The following OPCML variants were observed in gnomAD, a reference collection of about 807,000 sequenced individuals.
The protein encoded by OPCML is opioid-binding protein/cell adhesion molecule.
OPCML carries 13 observed loss-of-function variants against 37.8 expected under a neutral mutation model. That is an observed-to-expected ratio of 0.34 (90% CI 0.22 to 0.55). The LOEUF is 0.55. Among genes scored for constraint, OPCML ranks in the 20% least tolerant of loss-of-function variants. The probability of loss-of-function intolerance (pLI) is 0.91; values close to 1 mark genes in which losing one functional copy is unlikely to be tolerated. For missense variants in OPCML, 341 were observed against 435.6 expected, an observed-to-expected ratio of 0.78 and a Z score of 1.93; for synonymous variants, 176 against 168.8, an observed-to-expected ratio of 1.04 and a Z score of -0.33.
At chr11:132,837,752 C>T (rs1941099481) in intron 2 of OPCML, among the ~76,000 whole-genome samples, 1 of 152,152 alleles carries the variant, frequency 6.6e-6, no homozygotes, top group Non-Finnish European at 1.5e-5. Context: ...AGTAGGCGTC[C>T]ATGAGGCAGA....
chr11:132,891,966 C>G (rs2659600), intron 2 of OPCML, among the ~76,000 whole-genome samples: 10,760 of 92,806 alleles, frequency 0.12, 695 homozygotes, highest in African/African-American at 0.28. Context: ...TCCGTTCCCA[C>G]CCTTGCTTCT....
At chr11:133,483,004 G>A (rs1010369320) in intron 1 of OPCML, among the ~76,000 whole-genome samples, 5 of 152,048 alleles carry the variant, frequency 3.3e-5, no homozygotes, top group African/African-American at 9.7e-5. Flanking sequence ...TATTTGAAGT[G>A]TCTAAAAACT....
At chr11:132,752,479 T>C (rs1434147932) in intron 2 of OPCML, among the ~76,000 whole-genome samples, 3 of 152,102 alleles carry the variant, frequency 2.0e-5, no homozygotes, top group Non-Finnish European at 2.9e-5. Context: ...AAATTGTTTG[T>C]TGAGGAGCCT....
chr11:133,344,475 G>T (rs757441858), intron 1 of OPCML, among the ~76,000 whole-genome samples: 2 of 152,064 alleles, frequency 1.3e-5, no homozygotes, highest in East Asian at 3.9e-4. Flanking sequence ...ATCCTGTTGC[G>T]TTCTGACATT....
intron 1 of OPCML, among the ~76,000 whole-genome samples, chr11:133,031,588 G>A (rs1207088412): frequency 6.6e-6 from 1 of 151,354 alleles, no homozygotes; most frequent in African/African-American, 2.4e-5. Context: ...GTGAATGGAT[G>A]GGTGGTGGAT....
intron 4 of OPCML, among the ~76,000 whole-genome samples, chr11:132,521,610 T>G (rs2096293971): frequency 6.6e-6 from 1 of 150,658 alleles, no homozygotes; most frequent in Non-Finnish European, 1.5e-5. Flanking sequence ...CTTGTCGGGG[T>G]GTGAGGGGGA....
chr11:132,631,578 G>C (rs966855022), intron 3 of OPCML, among the ~76,000 whole-genome samples: 5 of 150,808 alleles, frequency 3.3e-5, no homozygotes, highest in Non-Finnish European at 5.9e-5. Context: ...GCCTGCCTCA[G>C]CCTCCCGAGT....
chr11:133,370,544 T>C (rs1245245302), intron 1 of OPCML, among the ~76,000 whole-genome samples: 4 of 149,292 alleles, frequency 2.7e-5, no homozygotes, highest in East Asian at 3.9e-4. Flanking sequence ...GAAAGATTTC[T>C]ACCAGGAAAA....
chr11:132,458,202 C>T (rs529536820), intron 4 of OPCML, among the ~76,000 whole-genome samples: 2 of 152,286 alleles, frequency 1.3e-5, no homozygotes, highest in East Asian at 3.9e-4. Context: ...ATGGACACTA[C>T]ACAATCCATG....
chr11:133,286,603 T>TG (rs1942307506), intron 1 of OPCML, among the ~76,000 whole-genome samples: 1 of 152,226 alleles, frequency 6.6e-6, no homozygotes, highest in Non-Finnish European at 1.5e-5. Flanking sequence ...GACCGAGTCT[T>TG]GCGGGCAGTG....
chr11:132,444,513 T>C (rs951006763), intron 4 of OPCML, among the ~76,000 whole-genome samples: 1 of 152,202 alleles, frequency 6.6e-6, no homozygotes, highest in African/African-American at 2.4e-5. Context: ...TCCTAGTCCA[T>C]TGTCCAAGTT....
intron 4 of OPCML, among the ~76,000 whole-genome samples, chr11:132,476,542 G>A (rs1035794323): frequency 4.6e-5 from 7 of 152,078 alleles, no homozygotes. Context: ...CCTTTGTAGG[G>A]ACATGGATGA....
chr11:132,791,736 ACTCT>A (rs1190637169), intron 2 of OPCML, among the ~76,000 whole-genome samples: 3 of 151,798 alleles, frequency 2.0e-5, no homozygotes, highest in Non-Finnish European at 4.4e-5. Flanking sequence ...TGTGCAGGAG[ACTCT>A]CTTTCTGATT....
chr11:133,372,045 A>C (rs1944686840), intron 1 of OPCML, among the ~76,000 whole-genome samples: 1 of 152,064 alleles, frequency 6.6e-6, no homozygotes, highest in Admixed American at 6.6e-5. Flanking sequence ...GGATGAAGAG[A>C]GGTTGATTGA....
intron 7 of OPCML, among the ~76,000 whole-genome samples, chr11:132,433,807 G>T (rs377522766): frequency 5.8e-4 from 88 of 152,346 alleles, no homozygotes; most frequent in African/African-American, 2.1e-3. Flanking sequence ...GGACATAGCA[G>T]CTGTCTGCAA....
At chr11:133,165,396 G>T (rs1313840919) in intron 1 of OPCML, among the ~76,000 whole-genome samples, 1 of 152,112 alleles carries the variant, frequency 6.6e-6, no homozygotes, top group African/African-American at 2.4e-5. Flanking sequence ...GCTGCAGCAG[G>T]AGCCTCCTGG....
intron 2 of OPCML, among the ~76,000 whole-genome samples, chr11:132,870,054 C>T (rs77206684): frequency 3.9e-5 from 6 of 152,136 alleles, no homozygotes; most frequent in Non-Finnish European, 7.3e-5. Context: ...CCACACCTAC[C>T]TACTACACAC....
chr11:132,692,421 A>G (rs1018591459), intron 2 of OPCML, among the ~76,000 whole-genome samples: 2 of 152,196 alleles, frequency 1.3e-5, no homozygotes, highest in African/African-American at 4.8e-5. Flanking sequence ...TCTAAGCTAC[A>G]GCACTAAACA....
At chr11:133,048,347 T>C (rs1257060064) in intron 1 of OPCML, among the ~76,000 whole-genome samples, 1 of 152,024 alleles carries the variant, frequency 6.6e-6, no homozygotes, top group African/African-American at 2.4e-5. Flanking sequence ...GCAGACGGAC[T>C]AGAGAGCAGT....
Sources: gnomAD v4.1 joint callset for allele counts (sites outside exome capture counted in the v4.1 genomes callset) on GRCh38, gnomAD v4.1.1 for gene constraint, MANE v1.5 for transcripts, NCBI Gene and HGNC (gene_info 2026-07-23, HGNC 2026-07-21) for gene names.